INSC: variants seen among roughly 807,000 people sequenced by gnomAD.
The protein encoded by INSC is protein inscuteable homolog.
Under a neutral mutation model 58.6 loss-of-function variants are expected in INSC, and 67 were observed. The ratio of observed to expected loss-of-function variants is 1.14; its 90% CI spans 0.94 to 1.40. INSC has a LOEUF of 1.40. INSC is among the 40% of genes most tolerant of loss of function. The pLI is 0.00. For missense variants in INSC, 714 were observed against 692.0 expected, an observed-to-expected ratio of 1.03 and a Z score of -0.36; for synonymous variants, 262 against 276.1, an observed-to-expected ratio of 0.95 and a Z score of 0.51.
rs144603481 is a variant in INSC, at chr11:15,231,641, A to G, written c.1171-3961A>G. On this transcript the variant is annotated intron_variant, in intron 9 of 12. Transcript: ENST00000379556. ...CTAAATATTCATCTGGCAATTAAAG[A>G]ATAATTCTAATTACAGTCATACAAG... 4.7e-3 allele frequency among the ~76,000 whole-genome samples: 722 copies of G among 152,350 alleles called. 6 individuals are homozygous for G. The highest frequency in any genetic ancestry group is 7.2e-3 in the Non-Finnish European group (492 of 68,046).
At chr11:15,136,126 A>G (rs1417914217) in intron 1 of INSC, among the ~76,000 whole-genome samples, 2 of 152,212 alleles carry the variant, frequency 1.3e-5, no homozygotes, top group African/African-American at 4.8e-5. Context: ...TATTACAATA[A>G]AGAGAGTTAC....
At chr11:15,113,678 G>A (rs1238417840), upstream of INSC, among the ~76,000 whole-genome samples, 1 of 152,190 alleles carries the variant, frequency 6.6e-6, no homozygotes, top group Non-Finnish European at 1.5e-5. Context: ...GGAGGGTAGA[G>A]TTGAAGCTGG....
the INSC span, among the ~76,000 whole-genome samples, chr11:15,262,747 C>T: frequency 6.6e-6 from 1 of 151,790 alleles, no homozygotes; most frequent in South Asian, 2.1e-4. Context: ...GTTGAAAGCA[C>T]AGTTCTCTAT....
At chr11:15,122,222 G>T (rs1318998415) in intron 1 of INSC, among the ~76,000 whole-genome samples, 1 of 152,178 alleles carries the variant, frequency 6.6e-6, no homozygotes, top group East Asian at 1.9e-4. Flanking sequence ...GAGTAATGGG[G>T]TAGGAATACT....
the INSC span, among the ~76,000 whole-genome samples, chr11:15,255,508 A>T: frequency 2.0e-5 from 3 of 152,220 alleles, no homozygotes; most frequent in African/African-American, 7.2e-5. Context: ...GCTATAAATT[A>T]TCAGTTCAAT....
chr11:15,225,146 T>G (rs950418919), intron 8 of INSC, among the ~76,000 whole-genome samples: 4 of 152,196 alleles, frequency 2.6e-5, no homozygotes, highest in Admixed American at 1.3e-4. Flanking sequence ...GACTGGCCCC[T>G]TTCTTCCCTT....
At chr11:15,199,805 G>A (rs181886863) in intron 6 of INSC, among the ~76,000 whole-genome samples, 81 of 152,224 alleles carry the variant, frequency 5.3e-4, no homozygotes, top group African/African-American at 8.9e-4. Context: ...CAGCTTTCAG[G>A]GAAGGAAAGA....
upstream of INSC, chr11:15,112,591 A>ACT (rs1276461561): frequency 7.4e-4 from 272 of 367,246 alleles, 3 homozygotes; most frequent in Non-Finnish European, 4.0e-4. Context: ...GGTGGATGTG[A>ACT]GTGTGTGTGT....
chr11:15,119,031 T>G (rs951541456), intron 1 of INSC, among the ~76,000 whole-genome samples: 1 of 152,024 alleles, frequency 6.6e-6, no homozygotes, highest in African/African-American at 2.4e-5. Flanking sequence ...AACTCCAGAG[T>G]GTGTAGTGAA....
intron 6 of INSC, among the ~76,000 whole-genome samples, chr11:15,194,963 G>A (rs1850316478): frequency 6.6e-6 from 1 of 152,198 alleles, no homozygotes. Context: ...TCTGGAGTAG[G>A]TCCTGGGATG....
intron 2 of INSC, among the ~76,000 whole-genome samples, chr11:15,170,378 A>G (rs895908673): frequency 6.6e-6 from 1 of 151,868 alleles, no homozygotes; most frequent in Non-Finnish European, 1.5e-5. Context: ...ACAGTTTTTC[A>G]GTCTGCCTTT....
chr11:15,213,219 C>T (rs1851095152), intron 7 of INSC, among the ~76,000 whole-genome samples: 1 of 152,010 alleles, frequency 6.6e-6, no homozygotes, highest in South Asian at 2.1e-4. Context: ...GCGGGCAGAT[C>T]ACTGCACTCC....
chr11:15,222,546 G>T (rs1851484225), intron 8 of INSC, among the ~76,000 whole-genome samples: 1 of 152,074 alleles, frequency 6.6e-6, no homozygotes, highest in Non-Finnish European at 1.5e-5. Context: ...CATTCAAGTG[G>T]TTATGTGCAG....
intron 2 of INSC, among the ~76,000 whole-genome samples, chr11:15,157,070 A>G (rs1245258517): frequency 6.6e-6 from 1 of 152,218 alleles, no homozygotes; most frequent in East Asian, 1.9e-4. Context: ...GATGTTCAGG[A>G]CAGCCTCCAT....
chr11:15,190,478 G>A (rs1850122346), intron 5 of INSC, among the ~76,000 whole-genome samples: 1 of 152,194 alleles, frequency 6.6e-6, no homozygotes, highest in African/African-American at 2.4e-5. Context: ...TGTATCAAGG[G>A]TTTGATATTA....
chr11:15,111,520 A>G (rs918733331), upstream of INSC, among the ~76,000 whole-genome samples: 1 of 152,198 alleles, frequency 6.6e-6, no homozygotes, highest in African/African-American at 2.4e-5. Context: ...TGCCTGATAC[A>G]GCTCTGGACC....
intron 6 of INSC, among the ~76,000 whole-genome samples, chr11:15,191,994 A>C (rs1850196710): frequency 6.6e-6 from 1 of 152,256 alleles, no homozygotes; most frequent in Non-Finnish European, 1.5e-5. Flanking sequence ...GAGGCTGTAC[A>C]ATTCTCTGAA....
chr11:15,214,316 G>A (rs1851133856), intron 7 of INSC, among the ~76,000 whole-genome samples: 1 of 152,176 alleles, frequency 6.6e-6, no homozygotes, highest in East Asian at 1.9e-4. Flanking sequence ...GAAAATTTGA[G>A]CATCTCTAGG....
At position 15,180,684 on chromosome 11, in the gene INSC, A is replaced by AGG. The variant is rs375510258; in HGVS notation, c.579+2245_579+2246dup. Among the ~76,000 whole-genome samples, 158 of 39,938 alleles carry AGG rather than the reference A, an allele frequency of 4.0e-3. 1 individual carries two copies. The highest frequency in any genetic ancestry group is 7.7e-3 in the South Asian group (4 of 518). 26.2% of individuals were successfully genotyped at this position (39,938 alleles called of 152,430 possible). Reference sequence around the variant, plus strand: ...TGGCCTCCCTCTCATGGTAGGAGTGAGGGGGGGGGCGGGGGGGGGTGGTGG... The same window carrying AGG: ...TGGCCTCCCTCTCATGGTAGGAGTGAGGGGGGGGGGGCGGGGGGGGGTGGTGG... On this transcript the variant is annotated intron_variant, in intron 5 of 12. Coordinates refer to ENST00000379556, the MANE Select transcript of INSC (RefSeq NM_001042536.3).
Sources: gnomAD v4.1 joint callset for allele counts (sites outside exome capture counted in the v4.1 genomes callset) on GRCh38, gnomAD v4.1.1 for gene constraint, MANE v1.5 for transcripts, NCBI Gene and HGNC (gene_info 2026-07-23, HGNC 2026-07-21) for gene names.